The following DTNB variants were observed in gnomAD, a reference collection of about 807,000 sequenced individuals.
The protein encoded by DTNB is dystrobrevin beta.
Under a neutral mutation model 90.7 loss-of-function variants are expected in DTNB, and 63 were observed. The observed-to-expected ratio is 0.69, with a 90% CI of 0.57 to 0.86. The LOEUF is 0.86. Among genes scored for constraint, DTNB ranks in the 40% least tolerant of loss-of-function variants. The pLI, the probability that DTNB is intolerant of heterozygous loss-of-function variation, is 0.00. For synonymous variants in DTNB, 277 were observed against 286.7 expected, an observed-to-expected ratio of 0.97 and a Z score of 0.34; for missense variants, 744 against 807.1, an observed-to-expected ratio of 0.92 and a Z score of 0.95.
At chr2:25,601,570 A>G (rs1222425629) in intron 5 of DTNB, among the ~76,000 whole-genome samples, 2 of 152,042 alleles carry the variant, frequency 1.3e-5, no homozygotes, top group Non-Finnish European at 2.9e-5. Flanking sequence ...CATCTATTTC[A>G]ACTCCCCTTT....
At chr2:25,465,534 T>G (rs946507963) in intron 10 of DTNB, among the ~76,000 whole-genome samples, 1 of 152,236 alleles carries the variant, frequency 6.6e-6, no homozygotes, top group African/African-American at 2.4e-5. Context: ...CTGTGTGATC[T>G]GGCCCCTTGC....
At chr2:25,655,604 C>T (rs2081919776) in intron 1 of DTNB, among the ~76,000 whole-genome samples, 1 of 152,062 alleles carries the variant, frequency 6.6e-6, no homozygotes, top group Admixed American at 6.6e-5. Context: ...GCATCTGGAG[C>T]CAGTCCTAAC....
Position 25,432,977 on chromosome 2 carries a change from G to T in DTNB, c.1366C>A (p.Arg456Ser). 6.2e-7 allele frequency: 1 copy of T among 1,608,814 alleles called. No individual in the cohort carries two copies. The stretch of plus-strand genomic sequence containing the variant: ...GCCTGCTCGTGTTCCAGGCGGAGAC[G>T]CTGAATCTCCTGCAGGATCTCTCTA... Reference protein sequence around the residue: ...KNREILQEIQRLRLEHEQASQ... With the variant: ...KNREILQEIQSLRLEHEQASQ... Residue 456 changes from arginine (R) to serine (S), a missense_variant, in exon 14 of 21, where the codon CGT (arginine) becomes AGT (serine). Coordinates refer to ENST00000406818, the MANE Select transcript of DTNB (RefSeq NM_021907.5).
intron 10 of DTNB, among the ~76,000 whole-genome samples, chr2:25,471,882 G>A (rs527902354): frequency 2.0e-5 from 3 of 149,716 alleles, no homozygotes; most frequent in East Asian, 2.0e-4. Context: ...TCTAGTAATC[G>A]GTTAACCTTC....
intron 8 of DTNB, among the ~76,000 whole-genome samples, chr2:25,541,554 G>A (rs1383766742): frequency 2.0e-5 from 3 of 152,028 alleles, no homozygotes; most frequent in Non-Finnish European, 2.9e-5. Flanking sequence ...GTATATTCAC[G>A]TATATTCATG....
At chr2:25,396,771 A>G (rs2042488816) in intron 16 of DTNB, among the ~76,000 whole-genome samples, 1 of 149,314 alleles carries the variant, frequency 6.7e-6, no homozygotes, top group Non-Finnish European at 1.5e-5. Flanking sequence ...TGCTAGGGAT[A>G]GCTCTTGTGA....
At chr2:25,566,368 T>A (rs1467547903) in intron 8 of DTNB, among the ~76,000 whole-genome samples, 1 of 152,138 alleles carries the variant, frequency 6.6e-6, no homozygotes, top group African/African-American at 2.4e-5. Flanking sequence ...CAACTGACAC[T>A]TCGATTTCAG....
chr2:25,659,635 C>T (rs918796418), intron 1 of DTNB, among the ~76,000 whole-genome samples: 1 of 152,040 alleles, frequency 6.6e-6, no homozygotes, highest in Admixed American at 6.6e-5. Flanking sequence ...CTAATCTATA[C>T]ATATAACAAC....
In DTNB at chr2:25,388,230, C is replaced by T; in HGVS notation, c.1707G>A (p.Gly569=). 1 of 1,592,296 alleles carries T rather than the reference C, an allele frequency of 6.3e-7. No homozygotes were observed. The highest frequency in any genetic ancestry group is 8.5e-7 in the Non-Finnish European group (1 of 1,169,880). Reference sequence around the variant, plus strand: ...GTGCGAAGGCCTCCTGCACGTCTCCCCCGACTCCGCTCAGCGAGTCCTGCG... The same window carrying T: ...GTGCGAAGGCCTCCTGCACGTCTCCTCCGACTCCGCTCAGCGAGTCCTGCG... ...HCPQDSLSGV[G]GDVQEAFAQG... is the part of the protein sequence containing the mutation. Residue 569 remains glycine, a synonymous_variant, in exon 17 of 21, where the codon GGG becomes GGA. Transcript: ENST00000406818.
chr2:25,413,617 A>G (rs1240507878), intron 16 of DTNB, among the ~76,000 whole-genome samples: 1 of 152,162 alleles, frequency 6.6e-6, no homozygotes, highest in Non-Finnish European at 1.5e-5. Context: ...ATGGCTGCAT[A>G]GTATTCCATC....
intron 1 of DTNB, among the ~76,000 whole-genome samples, chr2:25,672,324 G>A (rs2086161399): frequency 6.6e-6 from 1 of 151,008 alleles, no homozygotes. Flanking sequence ...GGCAAATGTG[G>A]CCAAACCTTG....
At chr2:25,463,790 C>T (rs1476847832) in intron 10 of DTNB, among the ~76,000 whole-genome samples, 3 of 152,164 alleles carry the variant, frequency 2.0e-5, no homozygotes, top group African/African-American at 7.2e-5. Flanking sequence ...GAGGAAACCC[C>T]GTGGTACTGG....
intron 6 of DTNB, among the ~76,000 whole-genome samples, chr2:25,584,728 T>C (rs1175529303): frequency 1.3e-5 from 2 of 152,162 alleles, no homozygotes; most frequent in Admixed American, 1.3e-4. Context: ...AGCTAATTTT[T>C]GTATTTTTAG....
chr2:25,526,520 C>T lies in DTNB; in HGVS notation c.1001+4953G>A, dbSNP rs560150354. On this transcript the variant is annotated intron_variant, in intron 9 of 20. Coordinates refer to ENST00000406818, the MANE Select transcript of DTNB (RefSeq NM_021907.5). ...AAGTGAGTCTTCTGCCTCAGCCTCC[C>T]GAGTAGCCGGGATTACAGGCACTGG... Among the ~76,000 whole-genome samples the T allele has an allele frequency of 9.9e-5, 15 of 151,238 alleles. No individual in the cohort carries two copies. The South Asian group carries it at 2.7e-3, about 27-fold the overall frequency.
intron 16 of DTNB, among the ~76,000 whole-genome samples, chr2:25,407,810 A>C (rs139407691): frequency 8.3e-4 from 127 of 152,328 alleles, no homozygotes; most frequent in African/African-American, 2.8e-3. Flanking sequence ...AAAAAACTAC[A>C]TATTGGGTGC....
chr2:25,649,625 G>A (rs1337393753), intron 2 of DTNB, among the ~76,000 whole-genome samples: 3 of 152,058 alleles, frequency 2.0e-5, no homozygotes, highest in Non-Finnish European at 2.9e-5. Flanking sequence ...AGGCTGAGGC[G>A]GGAGGATCAA....
At chr2:25,669,904 C>CAA (rs779907434) in intron 1 of DTNB, among the ~76,000 whole-genome samples, 22 of 122,182 alleles carry the variant, frequency 1.8e-4, no homozygotes, top group Admixed American at 7.5e-4. Context: ...GACCCTATCT[C>CAA]AAAAAAAAAA....
rs747072863 is a variant in DTNB, at chr2:25,594,128, G to A, written c.603+1958C>T. Among the ~76,000 whole-genome samples the A allele has an allele frequency of 7.9e-5, 12 of 152,230 alleles. No individual in the cohort carries two copies. The South Asian group carries it at 1.0e-3, about 13-fold the overall frequency. ...CTTCATCATACTCATCTTCACTTAC[G>A]TCCCTGAAGGGCACGTTAACACCTG... On this transcript the variant is annotated intron_variant, in intron 6 of 20. Coordinates refer to ENST00000406818, the MANE Select transcript of DTNB (RefSeq NM_021907.5).
chr2:25,649,596 G>A (rs2080388444), intron 2 of DTNB, among the ~76,000 whole-genome samples: 1 of 152,122 alleles, frequency 6.6e-6, no homozygotes, highest in Non-Finnish European at 1.5e-5. Context: ...GCACACGCCT[G>A]TAGTCCCAGA....
Sources: allele counts gnomAD v4.1 joint callset (sites outside exome capture counted in the v4.1 genomes callset), GRCh38; gene constraint gnomAD v4.1.1; transcripts MANE v1.5; gene names NCBI Gene and HGNC (gene_info 2026-07-23, HGNC 2026-07-21).